Variants in NAALADL2 observed in about 807,000 individuals in gnomAD.
NAALADL2 encodes the protein N-acetylated alpha-linked acidic dipeptidase like 2.
Under a neutral mutation model 87.2 loss-of-function variants are expected in NAALADL2, and 76 were observed. The ratio of observed to expected loss-of-function variants is 0.87; its 90% confidence interval spans 0.72 to 1.05. The LOEUF (loss-of-function observed/expected upper bound fraction) is 1.05. NAALADL2 is among the 50% of genes least tolerant of loss of function. NAALADL2 has a pLI of 0.00. For synonymous variants in NAALADL2, 354 were observed against 331.0 expected (o/e 1.07, Z -0.75); for missense variants, 1,089 against 945.8 (o/e 1.15, Z -1.99).
chr3:175,239,172 CATA>C (rs1176513035), intron 3 of NAALADL2, among the ~76,000 whole-genome samples: 1 of 152,154 alleles, frequency 6.6e-6, no homozygotes, highest in Non-Finnish European at 1.5e-5. Context: ...TTTACCCCAT[CATA>C]ATGACAGGTG....
chr3:175,019,077 A>G (rs975429856), intron 1 of NAALADL2, among the ~76,000 whole-genome samples: 2 of 152,038 alleles, frequency 1.3e-5, no homozygotes, highest in East Asian at 3.9e-4. Context: ...TCCTGTAGGC[A>G]TAATATTATA....
chr3:175,670,526 G>T, intron 11 of NAALADL2, among the ~76,000 whole-genome samples: 12 of 124,726 alleles, frequency 9.6e-5, no homozygotes, highest in Admixed American at 2.5e-4. Context: ...TATATTAAAT[G>T]TAAATTTAAT....
intron 3 of NAALADL2, 85 bp downstream of exon 3, chr3:175,234,289 GA>G: frequency 7.2e-7 from 1 of 1,383,058 alleles, no homozygotes; most frequent in Non-Finnish European, 1.0e-6. Context: ...TAACTGTCAA[GA>G]TGCAACATAC....
At chr3:175,667,146 A>AGAGT in intron 11 of NAALADL2, among the ~76,000 whole-genome samples, 1 of 144,424 alleles carries the variant, frequency 6.9e-6, no homozygotes, top group Admixed American at 7.3e-5. Context: ...AAAGAAAGAG[A>AGAGT]GAGAGAGAGA....
intron 1 of NAALADL2, among the ~76,000 whole-genome samples, chr3:175,073,485 G>A (rs1204275176): frequency 6.6e-6 from 1 of 151,950 alleles, no homozygotes; most frequent in African/African-American, 2.4e-5. Flanking sequence ...AGGTTACCAC[G>A]GTTACCTGGA....
At chr3:175,188,126 ACT>A (rs1019974727) in intron 2 of NAALADL2, among the ~76,000 whole-genome samples, 1 of 151,776 alleles carries the variant, frequency 6.6e-6, no homozygotes, top group African/African-American at 2.4e-5. Context: ...TATGTTATTA[ACT>A]CTTTTTCTAT....
chr3:175,166,718 T>C (rs560170599), intron 2 of NAALADL2, among the ~76,000 whole-genome samples: 1 of 152,212 alleles, frequency 6.6e-6, no homozygotes, highest in Admixed American at 6.6e-5. Context: ...ATTACACCTA[T>C]ATTTATATAC....
chr3:174,483,366 G>A (rs534901736), intron 1 of NAALADL2, among the ~76,000 whole-genome samples: 18 of 152,048 alleles, frequency 1.2e-4, no homozygotes, highest in African/African-American at 3.9e-4. Flanking sequence ...CTGAGTGAAG[G>A]GGGAAAGAGT....
intron 9 of NAALADL2, among the ~76,000 whole-genome samples, chr3:175,482,026 T>G (rs1726547779): frequency 6.6e-6 from 1 of 151,572 alleles, no homozygotes; most frequent in Non-Finnish European, 1.5e-5. Flanking sequence ...ACACAAAAAC[T>G]TATCATTGCA....
At chr3:174,760,977 C>T (rs1376207039) in intron 3 of NAALADL2, among the ~76,000 whole-genome samples, 1 of 152,150 alleles carries the variant, frequency 6.6e-6, no homozygotes, top group Non-Finnish European at 1.5e-5. Context: ...TCCTAATGAT[C>T]CCCACACAGC....
At chr3:175,557,546 A>T (rs1715484902) in intron 9 of NAALADL2, among the ~76,000 whole-genome samples, 1 of 152,000 alleles carries the variant, frequency 6.6e-6, no homozygotes, top group South Asian at 2.1e-4. Context: ...ACTTTCCCCC[A>T]ATCCCCAACT....
intron 4 of NAALADL2, among the ~76,000 whole-genome samples, chr3:175,258,340 A>AAAG (rs1313241330): frequency 0.026 from 3,951 of 149,834 alleles, 102 homozygotes; most frequent in Middle Eastern, 0.069. Context: ...AAAAAAAAAA[A>AAAG]AAAGAAAGAA....
intron 9 of NAALADL2, among the ~76,000 whole-genome samples, chr3:175,477,756 G>T (rs1725908538): frequency 2.6e-5 from 4 of 151,928 alleles, no homozygotes; most frequent in Non-Finnish European, 5.9e-5. Flanking sequence ...TGTTGCTCTG[G>T]GTTTGGATGG....
At chr3:175,291,531 A>G (rs1755638213) in intron 4 of NAALADL2, among the ~76,000 whole-genome samples, 1 of 152,158 alleles carries the variant, frequency 6.6e-6, no homozygotes, top group Non-Finnish European at 1.5e-5. Flanking sequence ...CTGGGGTTAT[A>G]TATGTTATTC....
At chr3:174,650,815 G>T (rs1578427423) in intron 2 of NAALADL2, among the ~76,000 whole-genome samples, 1 of 152,098 alleles carries the variant, frequency 6.6e-6, no homozygotes, top group Non-Finnish European at 1.5e-5. Flanking sequence ...AAATGTCTTA[G>T]CACGCCAGGC....
intron 4 of NAALADL2, among the ~76,000 whole-genome samples, chr3:175,279,431 C>T (rs913757045): frequency 6.6e-6 from 1 of 151,968 alleles, no homozygotes; most frequent in African/African-American, 2.4e-5. Context: ...TTTGGATTCA[C>T]ATGTAGAGTG....
intron 2 of NAALADL2, among the ~76,000 whole-genome samples, chr3:174,655,739 A>C (rs1294223817): frequency 6.6e-6 from 1 of 152,216 alleles, no homozygotes; most frequent in Admixed American, 6.5e-5. Flanking sequence ...GACTTTCTTT[A>C]TATTAAAAAC....
intron 3 of NAALADL2, among the ~76,000 whole-genome samples, chr3:174,780,530 T>A (rs934862549): frequency 1.3e-5 from 2 of 152,114 alleles, no homozygotes; most frequent in African/African-American, 4.8e-5. Context: ...TGAATAGGAG[T>A]GGTGAGAGAG....
intron 2 of NAALADL2, among the ~76,000 whole-genome samples, chr3:175,186,720 C>G (rs1474977597): frequency 6.6e-6 from 1 of 151,942 alleles, no homozygotes; most frequent in Non-Finnish European, 1.5e-5. Context: ...GTCATGTGAC[C>G]TTTTTGTCAC....
Sources: allele counts gnomAD v4.1 joint callset (sites outside exome capture counted in the v4.1 genomes callset), GRCh38; gene constraint gnomAD v4.1.1; transcripts MANE v1.5; gene names NCBI Gene and HGNC (gene_info 2026-07-23, HGNC 2026-07-21).